The following MAP3K13 variants were observed in gnomAD, a reference collection of about 807,000 sequenced individuals.
MAP3K13 encodes leucine zipper-bearing kinase.
Under a neutral mutation model 104.0 loss-of-function variants are expected in MAP3K13, and 52 were observed. The ratio of observed to expected loss-of-function variants is 0.50; its 90% CI spans 0.40 to 0.63. The LOEUF (loss-of-function observed/expected upper bound fraction) is 0.63. Among genes scored for constraint, MAP3K13 ranks in the 20% least tolerant of loss-of-function variants. The pLI, the probability that MAP3K13 is intolerant of heterozygous loss-of-function variation, is 0.00. For missense variants in MAP3K13, 914 were observed against 1,218.5 expected, an observed-to-expected ratio of 0.75 and a Z score of 3.72; for synonymous variants, 394 against 442.2, an observed-to-expected ratio of 0.89 and a Z score of 1.37.
Position 185,289,866 on chromosome 3 carries a change from A to G in MAP3K13, c.-86+4223A>G, listed in dbSNP as rs143249864. Among the ~76,000 whole-genome samples, 806 of 152,312 alleles carry G rather than the reference A, an allele frequency of 5.3e-3. 12 individuals are homozygous for G. The highest frequency in any genetic ancestry group is 0.019 in the African/African-American group (777 of 41,570). ...TCTCTTCAGTGTGTTTAATAACAAA[A>G]GACAGTCGGACAGATATTTTGGCAT... On this transcript the variant is annotated intron_variant, in intron 2 of 14. Transcript: ENST00000424227.
intron 2 of MAP3K13, among the ~76,000 whole-genome samples, chr3:185,356,195 A>G (rs1723345604): frequency 6.6e-6 from 1 of 152,240 alleles, no homozygotes; most frequent in Non-Finnish European, 1.5e-5. Context: ...AGAAGACAGA[A>G]TTTGAAAGTT....
chr3:185,335,291 T>C (rs1722443612), intron 2 of MAP3K13, among the ~76,000 whole-genome samples: 1 of 152,186 alleles, frequency 6.6e-6, no homozygotes, highest in African/African-American at 2.4e-5. Flanking sequence ...CCTCAAAATA[T>C]AGTATTTTTG....
At chr3:185,434,801 T>G (rs1404080384) in intron 2 of MAP3K13, among the ~76,000 whole-genome samples, 1 of 152,022 alleles carries the variant, frequency 6.6e-6, no homozygotes, top group Non-Finnish European at 1.5e-5. Flanking sequence ...GTAAATAGGG[T>G]AAAAAAGACA....
rs764510770 is a variant in MAP3K13 at position 185,455,381 on chromosome 3, GAT to G, written c.1278+3995_1278+3996del. The stretch of plus-strand genomic sequence containing the variant: ...TATATGAGATATATATGATATATAT[GAT>G]ATATATATCATATATGAGATATATA... On this transcript the variant is annotated intron_variant, in intron 7 of 13. Transcript: ENST00000265026. 4.0e-3 allele frequency among the ~76,000 whole-genome samples: 187 copies of G among 46,772 alleles called. 49 individuals carry two copies. In the East Asian group the frequency reaches 0.057, roughly 14 times the overall value. 30.7% of individuals were successfully genotyped at this position (46,772 alleles called of 152,430 possible).
Position 185,486,357 on chromosome 3 carries a change from A to G in MAP3K13, c.*3901A>G, listed in dbSNP as rs1718717514. On this transcript the variant is annotated 3_prime_UTR_variant, in exon 14 of 14. Coordinates refer to ENST00000265026, the MANE Select transcript of MAP3K13 (RefSeq NM_004721.5). Reference sequence around the variant, plus strand: ...GTTGAATAAAGTCCATATTGAACACATTTTTTTAAGTAGAATTGACTAGAG... The same window carrying G: ...GTTGAATAAAGTCCATATTGAACACGTTTTTTTAAGTAGAATTGACTAGAG... 1 of 152,138 alleles carries G rather than the reference A, an allele frequency of 6.6e-6. No homozygotes were observed. The allele number at this position is 152,138 out of a possible 1,614,324, so 9.4% of individuals were successfully genotyped here.
In MAP3K13 at chr3:185,473,075, A is replaced by T; in HGVS notation, c.1744A>T (p.Ser582Cys). The change falls in exon 11 of 14, where the codon AGC (serine) becomes TGC (cysteine). Residue 582 changes from serine (S) to cysteine (C), a missense_variant. Physicochemically the swap from Ser to Cys is moderately radical, Grantham distance 112. Transcript: ENST00000265026. This position sits in a 1 kb window ranked among gnomAD's most constrained non-coding sequence, Gnocchi z 4.9. Reference protein sequence around the residue: ...SPKMSTSSSKSRYRSKPRHRR... With the variant: ...SPKMSTSSSKCRYRSKPRHRR... ...CAAAATGTCCACTTCTAGCAGCAAG[A>T]GCCGATATCGAAGCAAACCACGCCA... 6.2e-7 allele frequency: 1 copy of T among 1,614,184 alleles called. No homozygotes were observed. The highest frequency in any genetic ancestry group is 1.1e-5 in the South Asian group (1 of 91,086).
At position 185,363,466 on chromosome 3, in the gene MAP3K13, T is replaced by A. The variant is rs182049030; in HGVS notation, c.-86+98T>A. On this transcript the variant is annotated intron_variant, in intron 1 of 13. Transcript: ENST00000265026. Reference sequence around the variant, plus strand: ...TGAGGTGATTAGAAAGCTGATATTATTGAGGGCGACACCGTGAGAGAGACA... The same window carrying A: ...TGAGGTGATTAGAAAGCTGATATTAATGAGGGCGACACCGTGAGAGAGACA... 1.9e-4 allele frequency: 118 copies of A among 605,828 alleles called. No individual in the cohort carries two copies. In the African/African-American group the frequency reaches 2.1e-3, roughly 11 times the overall value. The allele number at this position is 605,828 out of a possible 1,614,324, so 37.5% of individuals were successfully genotyped here.
At chr3:185,301,562 G>A (rs1401994825) in intron 2 of MAP3K13, among the ~76,000 whole-genome samples, 2 of 152,142 alleles carry the variant, frequency 1.3e-5, no homozygotes, top group Non-Finnish European at 2.9e-5. Flanking sequence ...TTTCCCCTGT[G>A]TTATCTTCCA....
At chr3:185,417,653 G>T (rs1247556471) in intron 1 of MAP3K13, 3 of 1,612,058 alleles carry the variant, frequency 1.9e-6, no homozygotes, top group Non-Finnish European at 2.5e-6. Context: ...CCTACCACAG[G>T]CTTCTTGCCT....
chr3:185,459,586 A>G (rs947526145), intron 7 of MAP3K13, among the ~76,000 whole-genome samples: 2 of 151,966 alleles, frequency 1.3e-5, no homozygotes, highest in Non-Finnish European at 2.9e-5. Context: ...CGTAGCTGGG[A>G]CTACAGGCAC....
At chr3:185,327,797 A>T (rs1190080997) in intron 2 of MAP3K13, among the ~76,000 whole-genome samples, 1 of 152,102 alleles carries the variant, frequency 6.6e-6, no homozygotes, top group East Asian at 1.9e-4. Flanking sequence ...CTGTAGTCTC[A>T]GGTATTCGGG....
intron 2 of MAP3K13, among the ~76,000 whole-genome samples, chr3:185,337,304 C>CT (rs1427108012): frequency 6.6e-6 from 1 of 152,196 alleles, no homozygotes. Context: ...TCAAAATACA[C>CT]TTGCAATACA....
intron 1 of MAP3K13, among the ~76,000 whole-genome samples, chr3:185,367,093 A>AT (rs774813269): frequency 6.6e-5 from 10 of 152,268 alleles, no homozygotes; most frequent in African/African-American, 9.6e-5. Context: ...ATTTTGAGTT[A>AT]TTTTTTGTGT....
In MAP3K13 at chr3:185,309,552, G is replaced by C. The variant is rs909494736; in HGVS notation, c.-86+23909G>C. On this transcript the variant is annotated intron_variant, in intron 2 of 14. Transcript: ENST00000424227. ...AAAAGAAAGAAAAAAGAAACAAAAA[G>C]ATTGGGGCAAGTCAGCAGACTGAAG... 4.0e-5 allele frequency among the ~76,000 whole-genome samples: 6 copies of C among 150,746 alleles called. No individual in the cohort carries two copies. In the East Asian group the frequency reaches 1.2e-3, roughly 29 times the overall value.
At chr3:185,367,454 G>A (rs1716000789) in intron 1 of MAP3K13, among the ~76,000 whole-genome samples, 1 of 152,094 alleles carries the variant, frequency 6.6e-6, no homozygotes, top group South Asian at 2.1e-4. Flanking sequence ...TGAAAAGGAG[G>A]GAAGAAAGGA....
At chr3:185,436,681 A>C (rs1185433612) in intron 2 of MAP3K13, among the ~76,000 whole-genome samples, 1 of 152,150 alleles carries the variant, frequency 6.6e-6, no homozygotes, top group African/African-American at 2.4e-5. Flanking sequence ...AGTATGCATA[A>C]TGAAGTTCTT....
chr3:185,462,071 G>C (rs1397654482), intron 7 of MAP3K13, among the ~76,000 whole-genome samples: 1 of 152,114 alleles, frequency 6.6e-6, no homozygotes, highest in Non-Finnish European at 1.5e-5. Flanking sequence ...AAAGGTAGTA[G>C]AATAATTTCA....
At chr3:185,424,963 A>G (rs749161970) in intron 1 of MAP3K13, among the ~76,000 whole-genome samples, 2 of 152,146 alleles carry the variant, frequency 1.3e-5, no homozygotes, top group Admixed American at 1.3e-4. Context: ...CAAGTAGCTG[A>G]CACTACAGGC....
At chr3:185,480,187 C>T in intron 12 of MAP3K13, 45 bp from the exon 13 acceptor site, 1 of 1,563,850 alleles carries the variant, frequency 6.4e-7, no homozygotes, top group Non-Finnish European at 8.7e-7. Context: ...GAAAGAAAAG[C>T]AGTTGTTCCT....
Sources: gnomAD v4.1 joint callset for allele counts (sites outside exome capture counted in the v4.1 genomes callset) on GRCh38, gnomAD v4.1.1 for gene constraint, Gnocchi (gnomAD v3.1) non-coding constraint, MANE v1.5 for transcripts, NCBI Gene and HGNC (gene_info 2026-07-23, HGNC 2026-07-21) for gene names.